The following USH2A variants were observed in gnomAD, a reference collection of about 807,000 sequenced individuals.
The protein encoded by USH2A is usherin.
USH2A carries 443 observed loss-of-function variants against 538.9 expected under a neutral mutation model. That is an observed-to-expected ratio of 0.82 (90% confidence interval 0.76 to 0.89). The LOEUF (loss-of-function observed/expected upper bound fraction) is 0.89. Among genes scored for constraint, USH2A ranks in the 40% least tolerant of loss-of-function variants. The pLI is 0.00. For synonymous variants in USH2A, 2,413 were observed against 2,273.5 expected, an observed-to-expected ratio of 1.06 and a Z score of -1.75; for missense variants, 6,633 against 6,324.8, an observed-to-expected ratio of 1.05 and a Z score of -1.65.
At chr1:215,976,800 T>C (rs1667628579) in intron 35 of USH2A, among the ~76,000 whole-genome samples, 1 of 152,142 alleles carries the variant, frequency 6.6e-6, no homozygotes, top group Admixed American at 6.6e-5. Context: ...TCAGGAATAT[T>C]GGCCTGTAGT....
intron 37 of USH2A, among the ~76,000 whole-genome samples, chr1:215,951,485 A>G (rs772721): frequency 0.24 from 36,817 of 152,050 alleles, 4,972 homozygotes; most frequent in Non-Finnish European, 0.31. Context: ...TATGTGGTCA[A>G]TTTTGGAATA....
chr1:215,815,302 C>G (rs1346592844), intron 48 of USH2A, among the ~76,000 whole-genome samples: 1 of 151,996 alleles, frequency 6.6e-6, no homozygotes, highest in Non-Finnish European at 1.5e-5. Flanking sequence ...TGTTTCTTTT[C>G]AAGACTATGT....
chr1:215,769,459 A>G (rs1321879937), intron 55 of USH2A, among the ~76,000 whole-genome samples: 1 of 152,200 alleles, frequency 6.6e-6, no homozygotes, highest in Non-Finnish European at 1.5e-5. Context: ...ATAAATTGTC[A>G]TTTCTTGACA....
intron 24 of USH2A, 66 bp from the exon 25 acceptor site, chr1:216,084,943 A>G (rs2032080565): frequency 5.9e-6 from 9 of 1,533,042 alleles, no homozygotes; most frequent in African/African-American, 1.4e-5. Flanking sequence ...AATTAATTTT[A>G]TGTGCCATTA....
chr1:216,137,690 G>A (rs549357572), intron 21 of USH2A, among the ~76,000 whole-genome samples: 1 of 152,044 alleles, frequency 6.6e-6, no homozygotes, highest in South Asian at 2.1e-4. Flanking sequence ...TAGCCAAACC[G>A]GCAGCTGATT....
rs752673522 is a variant in USH2A at position 215,680,164 on chromosome 1, G to T, written c.12279C>A (p.Thr4093=). Residue 4093 remains threonine, a synonymous_variant, in exon 62 of 72, where the codon ACC becomes ACA. Coordinates refer to ENST00000307340, the MANE Select transcript of USH2A (RefSeq NM_206933.4). ...LLLQWSEPMR[T]NGVIKTYNIF... is the part of the protein sequence containing the mutation. ...TAGACATTACCTTAATCACACCATT[G>T]GTTCTCATAGGTTCTGACCACTGTA... The T allele has an allele frequency of 6.2e-7, 1 of 1,614,020 alleles. No homozygotes were observed. Among genetic ancestry groups the T allele is most frequent in the South Asian group, 1.1e-5 (1 of 91,074 alleles).
At chr1:216,289,586 AC>A (rs1344836470) in intron 10 of USH2A, among the ~76,000 whole-genome samples, 176 bp from the exon 11 acceptor site, 1 of 152,124 alleles carries the variant, frequency 6.6e-6, no homozygotes, top group African/African-American at 2.4e-5. Flanking sequence ...GAAACAATGA[AC>A]CTGTTACAAA....
At chr1:215,643,705 T>A (rs909832740) in intron 67 of USH2A, among the ~76,000 whole-genome samples, 18 of 151,634 alleles carry the variant, frequency 1.2e-4, no homozygotes, top group East Asian at 3.9e-4. Context: ...AAAAAAAAAA[T>A]TTTTGTAGAG....
At chr1:216,166,632 T>C (rs2034174481) in intron 21 of USH2A, among the ~76,000 whole-genome samples, 1 of 151,990 alleles carries the variant, frequency 6.6e-6, no homozygotes, top group Non-Finnish European at 1.5e-5. Flanking sequence ...GAATCATTAA[T>C]AGAATGGGAG....
intron 30 of USH2A, among the ~76,000 whole-genome samples, chr1:216,066,734 AC>A (rs1341975841): frequency 6.6e-6 from 1 of 152,312 alleles, no homozygotes; most frequent in East Asian, 1.9e-4. Context: ...TGTCCAAGCT[AC>A]ACAGCTAAAA....
chr1:215,834,647 T>C (rs546343027), intron 47 of USH2A, among the ~76,000 whole-genome samples: 1 of 152,294 alleles, frequency 6.6e-6, no homozygotes, highest in South Asian at 2.1e-4. Context: ...TTTTTAAACA[T>C]GGTACTCTGC....
intron 22 of USH2A, among the ~76,000 whole-genome samples, chr1:216,089,768 A>G (rs2032249000): frequency 1.3e-5 from 2 of 151,954 alleles, no homozygotes. Flanking sequence ...GATAAGACAT[A>G]GGAAATGGCA....
chr1:215,651,868 T>C (rs529781981), intron 64 of USH2A, among the ~76,000 whole-genome samples: 1 of 152,246 alleles, frequency 6.6e-6, no homozygotes, highest in Non-Finnish European at 1.5e-5. Flanking sequence ...TTTCATACTT[T>C]TCTTTTTTTC....
chr1:216,350,218 C>A (rs1481071943), intron 4 of USH2A, among the ~76,000 whole-genome samples: 1 of 152,120 alleles, frequency 6.6e-6, no homozygotes, highest in African/African-American at 2.4e-5. Flanking sequence ...CCAGGTATCA[C>A]CTCCACCCTG....
chr1:215,780,689 G>T (rs1387031523), intron 54 of USH2A, among the ~76,000 whole-genome samples: 1 of 152,188 alleles, frequency 6.6e-6, no homozygotes, highest in Non-Finnish European at 1.5e-5. Context: ...GTAAACAATT[G>T]CTTTGCATGT....
chr1:216,112,728 C>T (rs2032905389), intron 21 of USH2A, among the ~76,000 whole-genome samples: 1 of 151,990 alleles, frequency 6.6e-6, no homozygotes. Flanking sequence ...TCTGTTCCTG[C>T]ATTAGTTTGC....
intron 4 of USH2A, among the ~76,000 whole-genome samples, chr1:216,361,092 G>T (rs897201212): frequency 2.0e-5 from 3 of 152,030 alleles, no homozygotes; most frequent in African/African-American, 7.2e-5. Flanking sequence ...AGTTCAGAAA[G>T]AAACCCATCT....
At chr1:216,039,929 G>T (rs186624463) in intron 32 of USH2A, among the ~76,000 whole-genome samples, 2 of 151,880 alleles carry the variant, frequency 1.3e-5, no homozygotes, top group Non-Finnish European at 2.9e-5. Context: ...ACTTTTAGTT[G>T]GTTAGACATA....
chr1:216,395,025 T>A (rs1047006113), intron 3 of USH2A, among the ~76,000 whole-genome samples: 52 of 152,110 alleles, frequency 3.4e-4, no homozygotes, highest in African/African-American at 1.2e-3. Context: ...GCCGGTCCAG[T>A]CGTTTTTAAC....
Sources: allele counts gnomAD v4.1 joint callset (sites outside exome capture counted in the v4.1 genomes callset), GRCh38; gene constraint gnomAD v4.1.1; transcripts MANE v1.5; gene names NCBI Gene and HGNC (gene_info 2026-07-23, HGNC 2026-07-21).